Variants in NLK observed in about 807,000 individuals in gnomAD.
NLK encodes nemo like kinase, also known as serine/threonine-protein kinase NLK.
In NLK, 11 loss-of-function variants were observed where a neutral mutation model predicts 59.0. That is an observed-to-expected ratio of 0.19 (90% CI 0.12 to 0.31). The LOEUF (loss-of-function observed/expected upper bound fraction) is 0.31. Among genes scored for constraint, NLK ranks in the 10% least tolerant of loss-of-function variants. The probability of loss-of-function intolerance (pLI) is 1.00; values close to 1 mark genes in which losing one functional copy is unlikely to be tolerated. For missense variants in NLK, 410 were observed against 661.1 expected, an observed-to-expected ratio of 0.62 and a Z score of 4.16; for synonymous variants, 235 against 235.9, an observed-to-expected ratio of 1.00 and a Z score of 0.03.
At chr17:28,142,849 A>G (rs1359499620) in intron 3 of NLK, among the ~76,000 whole-genome samples, 1 of 152,150 alleles carries the variant, frequency 6.6e-6, no homozygotes, top group Non-Finnish European at 1.5e-5. Flanking sequence ...TTAGTGTTTA[A>G]AGTGCTTAAC....
chr17:28,174,266 T>C (rs1312003621), intron 7 of NLK, among the ~76,000 whole-genome samples: 1 of 152,226 alleles, frequency 6.6e-6, no homozygotes, highest in Non-Finnish European at 1.5e-5. Flanking sequence ...AATCCAAAGT[T>C]CCACTATTAT....
At chr17:28,163,897 C>T (rs1046132773) in intron 5 of NLK, among the ~76,000 whole-genome samples, 2 of 152,178 alleles carry the variant, frequency 1.3e-5, no homozygotes, top group Non-Finnish European at 2.9e-5. Context: ...GACTCCTTTA[C>T]AGCTTGTTCC....
intron 1 of NLK, among the ~76,000 whole-genome samples, chr17:28,071,297 A>G (rs1047207324): frequency 6.6e-6 from 1 of 152,232 alleles, no homozygotes; most frequent in Non-Finnish European, 1.5e-5. Flanking sequence ...TTTTCATATC[A>G]TTACAGAATT....
chr17:28,192,013 A>G, intron 9 of NLK, 107 bp from the exon 10 acceptor site: 1 of 607,798 alleles, frequency 1.6e-6, no homozygotes, highest in Non-Finnish European at 3.0e-6. Context: ...TGATTTAACT[A>G]AACCAGTAGG....
rs144574234 is a variant in NLK, at chr17:28,125,825, G to A, written c.588+3093G>A. Among the ~76,000 whole-genome samples, 450 of 152,080 alleles carry A rather than the reference G, an allele frequency of 3.0e-3. 5 individuals are homozygous for A. The highest frequency in any genetic ancestry group is 0.011 in the African/African-American group (438 of 41,490). On this transcript the variant is annotated intron_variant, in intron 2 of 10. Transcript: ENST00000407008. ...GCTTAAAACACTTTCTTTTTGAAGG[G>A]GTATGTTTAATATTGCTCTGTGTCA...
chr17:28,084,935 G>T lies in NLK; in HGVS notation c.459-37668G>T, dbSNP rs574784215. The stretch of plus-strand genomic sequence containing the variant: ...AAAGTTTGTGAAAAAACACAAATCA[G>T]TACATCAAGGTTCAGTATATGACTA... On this transcript the variant is annotated intron_variant, in intron 1 of 10. Transcript: ENST00000407008. Among the ~76,000 whole-genome samples the T allele has an allele frequency of 3.9e-5, 6 of 152,304 alleles. No homozygotes were observed. The East Asian group carries it at 7.7e-4, about 20-fold the overall frequency.
chr17:28,124,989 A>G (rs1906234183), intron 2 of NLK, among the ~76,000 whole-genome samples: 2 of 152,134 alleles, frequency 1.3e-5, no homozygotes, highest in Admixed American at 1.3e-4. Flanking sequence ...CAGAGGTTGC[A>G]GTGAGCCAAG....
intron 8 of NLK, 65 bp downstream of exon 8, chr17:28,185,330 T>C (rs977998692): frequency 5.6e-6 from 6 of 1,069,642 alleles, no homozygotes; most frequent in Admixed American, 4.8e-5. Flanking sequence ...AGAGAAACAT[T>C]GTGGTTTTGA....
chr17:28,082,985 G>A (rs952936635), intron 1 of NLK, among the ~76,000 whole-genome samples: 2 of 152,156 alleles, frequency 1.3e-5, no homozygotes, highest in African/African-American at 4.8e-5. Flanking sequence ...AAAACTGTAT[G>A]CAGAGGACTG....
At chr17:28,119,634 C>T (rs1905935429) in intron 1 of NLK, among the ~76,000 whole-genome samples, 1 of 152,160 alleles carries the variant, frequency 6.6e-6, no homozygotes, top group South Asian at 2.1e-4. Flanking sequence ...TGGCAACCAT[C>T]GTAATAATTG....
At chr17:28,129,513 A>G (rs905271779) in intron 2 of NLK, among the ~76,000 whole-genome samples, 1 of 152,136 alleles carries the variant, frequency 6.6e-6, no homozygotes, top group African/African-American at 2.4e-5. Context: ...TTTACATAGA[A>G]ATATGTGTGT....
chr17:28,064,155 T>A (rs1267153601), intron 1 of NLK, among the ~76,000 whole-genome samples: 1 of 148,384 alleles, frequency 6.7e-6, no homozygotes, highest in Non-Finnish European at 1.5e-5. Context: ...GAATTTAGAG[T>A]CATCTTTAAG....
rs1909283333 is a variant in NLK, at chr17:28,190,904, A to G, written c.1237-117A>G. ...ATTCAATTATCCCTCTTTGGACGGG[A>G]TGTACTATAAATTATATATATGCTA... On this transcript the variant is annotated intron_variant, in intron 8 of 10. Coordinates refer to ENST00000407008, the MANE Select transcript of NLK (RefSeq NM_016231.5). The G allele has an allele frequency of 7.5e-6, 5 of 667,984 alleles. No homozygotes were observed. The Admixed American group carries it at 1.3e-4, about 18-fold the overall frequency. The allele number at this position is 667,984 out of a possible 1,614,324, so 41.4% of individuals were successfully genotyped here. A position where few individuals can be genotyped will look rare whatever the true frequency, so the allele number is the denominator to read the frequency against.
chr17:28,147,411 G>T (rs1767439258), intron 3 of NLK, among the ~76,000 whole-genome samples: 1 of 152,170 alleles, frequency 6.6e-6, no homozygotes, highest in Non-Finnish European at 1.5e-5. Context: ...CAGTATTTCT[G>T]GTGTGAGGCT....
At chr17:28,167,734 G>A (rs970542253) in intron 5 of NLK, among the ~76,000 whole-genome samples, 3 of 150,766 alleles carry the variant, frequency 2.0e-5, no homozygotes, top group African/African-American at 7.3e-5. Context: ...GGTAGCACAT[G>A]CCTGTAGTCC....
At position 28,051,277 on chromosome 17, in the gene NLK, A is replaced by ATTTGTTTG. The variant is rs566365199; in HGVS notation, c.458+7970_458+7977dup. Among the ~76,000 whole-genome samples, 218 of 151,484 alleles carry ATTTGTTTG rather than the reference A, an allele frequency of 1.4e-3. 3 individuals carry two copies. The highest frequency in any genetic ancestry group is 5.1e-3 in the African/African-American group (211 of 41,182). On this transcript the variant is annotated intron_variant, in intron 1 of 10. Transcript: ENST00000407008. The stretch of plus-strand genomic sequence containing the variant: ...TATTAATACAATTCTTCCAAATCTC[A>ATTTGTTTG]TTTGTTTGTTTGTTTGTTTGTTTGT...
chr17:28,191,169 A>G lies in NLK; in HGVS notation c.1385A>G (p.Lys462Arg), dbSNP rs1909292667. The G allele has an allele frequency of 1.2e-6, 2 of 1,613,230 alleles. No homozygotes were observed. Among genetic ancestry groups the G allele is most frequent in the South Asian group, 1.1e-5 (1 of 90,920 alleles). Residue 462 changes from lysine (K) to arginine (R), a missense_variant, in exon 9 of 11, where the codon AAA becomes AGA. By Grantham distance (26) the Lys-to-Arg change is conservative. Around this residue, in one of 5 missense-constraint regions of NLK, gnomAD observed 150 missense variants for 244.3 expected, o/e 0.61. Transcript: ENST00000407008. ...GACTTTGAGCCTGTCACCAATCCCA[A>G]ATTTGATGACACTTTCGAGAAGAAC... ...TSDFEPVTNP[K>R]FDDTFEKNLS...
chr17:28,074,960 T>C, intron 1 of NLK, among the ~76,000 whole-genome samples: 1 of 152,248 alleles, frequency 6.6e-6, no homozygotes, highest in East Asian at 1.9e-4. Flanking sequence ...GTAAATGTTT[T>C]TATAATATGC....
intron 1 of NLK, among the ~76,000 whole-genome samples, chr17:28,044,122 G>A (rs931939284): frequency 3.9e-5 from 6 of 152,182 alleles, no homozygotes; most frequent in African/African-American, 1.4e-4. Flanking sequence ...TAGGATATTT[G>A]TAAAAGCCTA....
Sources: gnomAD v4.1 joint callset for allele counts (sites outside exome capture counted in the v4.1 genomes callset) on GRCh38, gnomAD v4.1.1 for gene constraint, gnomAD v4.1.1 regional missense constraint, MANE v1.5 for transcripts, NCBI Gene and HGNC (gene_info 2026-07-23, HGNC 2026-07-21) for gene names.